Variants in SOX5 observed in about 807,000 individuals in gnomAD.
The protein encoded by SOX5 is SRY-box transcription factor 5.
SOX5 carries 9 observed loss-of-function variants against 92.0 expected under a neutral mutation model. That is an observed-to-expected ratio of 0.10 (90% confidence interval 0.06 to 0.17). The LOEUF is 0.17. SOX5 is among the 10% of genes least tolerant of loss of function. The probability of loss-of-function intolerance (pLI) is 1.00; values close to 1 mark genes in which losing one functional copy is unlikely to be tolerated. For missense variants in SOX5, 642 were observed against 944.5 expected, an observed-to-expected ratio of 0.68 and a Z score of 4.20; for synonymous variants, 344 against 336.3, an observed-to-expected ratio of 1.02 and a Z score of -0.25.
intron 2 of SOX5, among the ~76,000 whole-genome samples, chr12:23,867,195 CT>C (rs1432566904): frequency 6.6e-6 from 1 of 152,128 alleles, no homozygotes; most frequent in African/African-American, 2.4e-5. Flanking sequence ...ACATTTCCAT[CT>C]CATGGAAGAA....
chr12:23,955,269 A>G (rs1946149502), upstream of SOX5, among the ~76,000 whole-genome samples: 1 of 152,160 alleles, frequency 6.6e-6, no homozygotes, highest in Admixed American at 6.5e-5. Flanking sequence ...TAGGATGAGC[A>G]ATGACTGTCC....
At chr12:23,805,727 G>A (rs185856410) in intron 3 of SOX5, among the ~76,000 whole-genome samples, 15 of 152,138 alleles carry the variant, frequency 9.9e-5, no homozygotes, top group Admixed American at 7.2e-4. Flanking sequence ...AAATGTATAC[G>A]GCCAAACAGT....
intron 8 of SOX5, among the ~76,000 whole-genome samples, chr12:23,624,548 T>G (rs954664723): frequency 5.3e-5 from 8 of 152,168 alleles, no homozygotes; most frequent in African/African-American, 1.9e-4. Flanking sequence ...TAAACAGAAC[T>G]GAAAGCAGTT....
chr12:24,333,680 A>G (rs1951578738), intron 2 of SOX5, among the ~76,000 whole-genome samples: 1 of 152,062 alleles, frequency 6.6e-6, no homozygotes, highest in Admixed American at 6.5e-5. Context: ...ACAGGCTAGC[A>G]AAACACATGA....
chr12:24,149,418 G>T (rs1047118840), intron 4 of SOX5, among the ~76,000 whole-genome samples: 1 of 152,086 alleles, frequency 6.6e-6, no homozygotes, highest in African/African-American at 2.4e-5. Context: ...TTTCACTAAA[G>T]AAGACATGGA....
chr12:24,278,584 A>C (rs1944777189), intron 2 of SOX5, among the ~76,000 whole-genome samples: 1 of 152,046 alleles, frequency 6.6e-6, no homozygotes, highest in Non-Finnish European at 1.5e-5. Flanking sequence ...GGTGGCATGC[A>C]TCTGTAGTCC....
chr12:23,989,644 C>A (rs531718439), intron 4 of SOX5, among the ~76,000 whole-genome samples: 1 of 152,174 alleles, frequency 6.6e-6, no homozygotes, highest in East Asian at 1.9e-4. Flanking sequence ...GAAGGTGGAG[C>A]CCTCATGAAT....
At chr12:23,842,578 G>A (rs924047401) in intron 3 of SOX5, among the ~76,000 whole-genome samples, 9 of 152,096 alleles carry the variant, frequency 5.9e-5, no homozygotes, top group African/African-American at 2.2e-4. Flanking sequence ...GATTCTTGGA[G>A]ATATGGATGA....
chr12:24,314,542 A>T (rs184147506), intron 2 of SOX5, among the ~76,000 whole-genome samples: 9 of 149,284 alleles, frequency 6.0e-5, no homozygotes, highest in East Asian at 1.9e-4. Context: ...AAATAAAAAA[A>T]AAACTAGGCT....
intron 1 of SOX5, among the ~76,000 whole-genome samples, chr12:23,911,942 A>G (rs2097356717): frequency 6.6e-6 from 1 of 152,166 alleles, no homozygotes; most frequent in South Asian, 2.1e-4. Context: ...AGAACAAAAC[A>G]GATACATTGG....
intron 3 of SOX5, among the ~76,000 whole-genome samples, chr12:23,784,140 C>A (rs867885274): frequency 1.9e-4 from 29 of 151,964 alleles, no homozygotes; most frequent in Admixed American, 1.0e-3. Context: ...TAACCATGCA[C>A]AGGCCTCAGG....
intron 3 of SOX5, among the ~76,000 whole-genome samples, chr12:23,756,256 T>C (rs1008738522): frequency 6.6e-6 from 1 of 150,780 alleles, no homozygotes; most frequent in Non-Finnish European, 1.5e-5. Flanking sequence ...AAAAAAAAAA[T>C]TGGTATAAAA....
intron 8 of SOX5, among the ~76,000 whole-genome samples, chr12:23,622,365 A>G (rs1000943676): frequency 1.3e-5 from 2 of 152,072 alleles, no homozygotes; most frequent in Non-Finnish European, 2.9e-5. Context: ...TCATATTCCA[A>G]TGAGTGAAGT....
At chr12:24,077,394 G>T (rs757842339) in intron 4 of SOX5, among the ~76,000 whole-genome samples, 2 of 152,028 alleles carry the variant, frequency 1.3e-5, no homozygotes, top group Non-Finnish European at 2.9e-5. Flanking sequence ...TCCTTCCAAA[G>T]GCTGCATCTT....
rs755541611 is a variant in SOX5, at chr12:23,740,913, T to C, written c.695A>G (p.Glu232Gly). Reference protein sequence around the residue: ...EQKKLAASQIEKQRQQMELAK... With the variant: ...EQKKLAASQIGKQRQQMELAK... ...CAGCTCCATTTGCTGACGCTGTTTC[T>C]CAATCTGAGAGGCAGCTAGTTTCTT... Residue 232 changes from glutamate to glycine, a missense_variant, in exon 5 of 15, where the codon GAG becomes GGG. Coordinates refer to ENST00000451604, the MANE Select transcript of SOX5 (RefSeq NM_006940.6). 1 of 1,613,298 alleles carries C rather than the reference T, an allele frequency of 6.2e-7. No homozygotes were observed. Among genetic ancestry groups the C allele is most frequent in the Non-Finnish European group, 8.5e-7 (1 of 1,179,388 alleles).
rs1566410995 is a variant in SOX5 at position 24,533,645 on chromosome 12, TA to T, written c.-251+28683del. On this transcript the variant is annotated intron_variant, in intron 1 of 4. Coordinates refer to the SOX5 transcript ENST00000446891. The stretch of plus-strand genomic sequence containing the variant: ...ACTAGAAGTAATATGAAAGCTTTTT[TA>T]AAAACTGTTATTGCACATATGCAAT... 2.0e-5 allele frequency among the ~76,000 whole-genome samples: 3 copies of T among 152,190 alleles called. No individual in the cohort carries two copies. The East Asian group carries it at 5.8e-4, about 29-fold the overall frequency.
Position 23,656,187 on chromosome 12 carries a change from AT to A in SOX5, c.931+9256del, listed in dbSNP as rs56680824. Among the ~76,000 whole-genome samples the A allele has an allele frequency of 2.5e-3, 376 of 148,952 alleles. 3 individuals are homozygous for A. The highest frequency in any genetic ancestry group is 2.8e-3 in the East Asian group (14 of 5,034). ...GTCTTCTGACCCCTTGTTTCATTGT[AT>A]TTTTTTTTTTCTGATAGAATTCATT... is the stretch of plus-strand genomic sequence containing the variant. On this transcript the variant is annotated intron_variant, in intron 7 of 14. Transcript: ENST00000451604.
chr12:24,446,833 A>G (rs1941551226), intron 1 of SOX5, among the ~76,000 whole-genome samples: 3 of 152,334 alleles, frequency 2.0e-5, no homozygotes, highest in Admixed American at 1.3e-4. Flanking sequence ...TTCATGAGTG[A>G]GCAGCAGCAC....
chr12:24,167,720 C>T (rs767556065), intron 4 of SOX5, among the ~76,000 whole-genome samples: 7 of 152,186 alleles, frequency 4.6e-5, no homozygotes, highest in Admixed American at 6.5e-5. Context: ...TATTTTGTTT[C>T]GATCTAGTCC....
Sources: gnomAD v4.1 joint callset for allele counts (sites outside exome capture counted in the v4.1 genomes callset) on GRCh38, gnomAD v4.1.1 for gene constraint, MANE v1.5 for transcripts, NCBI Gene and HGNC (gene_info 2026-07-23, HGNC 2026-07-21) for gene names.